SH3RF3: variants seen among roughly 807,000 people sequenced by gnomAD.
The protein encoded by SH3RF3 is SH3 domain containing ring finger 3.
SH3RF3 carries 29 observed loss-of-function variants against 66.3 expected under a neutral mutation model. That is an observed-to-expected ratio of 0.44 (90% CI 0.33 to 0.60). The LOEUF (loss-of-function observed/expected upper bound fraction) is 0.60, where lower values mean the gene tolerates loss of function less well. Ranked by LOEUF, SH3RF3 falls within the 20% of genes least tolerant of loss-of-function variation. The pLI, the probability that SH3RF3 is intolerant of heterozygous loss-of-function variation, is 0.04. For synonymous variants in SH3RF3, 583 were observed against 532.0 expected (o/e 1.10, Z -1.32); for missense variants, 1,194 against 1,190.9 (o/e 1.00, Z -0.04).
intron 2 of SH3RF3, among the ~76,000 whole-genome samples, chr2:109,357,248 C>A (rs55843992): frequency 0.28 from 42,327 of 151,572 alleles, 6,858 homozygotes; most frequent in Non-Finnish European, 0.37. Flanking sequence ...GTGGCACGAT[C>A]TCGGCTTGCT....
rs1283891290 is a variant in SH3RF3 at position 109,238,480 on chromosome 2, TGTGTGTGTGTGTGTGTGTGA to T, written c.573+108369_573+108388del. Among the ~76,000 whole-genome samples the T allele has an allele frequency of 7.3e-4, 98 of 134,518 alleles. 1 individual carries two copies. The highest frequency in any genetic ancestry group is 3.1e-3 in the African/African-American group (94 of 29,886). 88.2% of individuals were successfully genotyped at this position (134,518 alleles called of 152,430 possible). On this transcript the variant is annotated intron_variant, in intron 1 of 9. Coordinates refer to ENST00000309415, the MANE Select transcript of SH3RF3 (RefSeq NM_001099289.3). ...GTGTGTGTGTGTGTGTGTGTGTGTGTGTGTGTGTGTGTGTGTGTGAGAGTGAGACAGAGCCTCACCTTGTT... is the reference window on the plus strand; with the variant it reads ...GTGTGTGTGTGTGTGTGTGTGTGTGTGAGTGAGACAGAGCCTCACCTTGTT...
At chr2:109,356,788 C>T (rs183181087) in intron 2 of SH3RF3, among the ~76,000 whole-genome samples, 1 of 152,148 alleles carries the variant, frequency 6.6e-6, no homozygotes, top group African/African-American at 2.4e-5. Flanking sequence ...GGTGCAAATC[C>T]CACCCTCCTG....
chr2:109,154,527 T>C (rs1230968541), intron 1 of SH3RF3, among the ~76,000 whole-genome samples: 1 of 152,102 alleles, frequency 6.6e-6, no homozygotes, highest in Non-Finnish European at 1.5e-5. Flanking sequence ...TCTTCACTGG[T>C]GAAGAAACCA....
intron 1 of SH3RF3, among the ~76,000 whole-genome samples, chr2:109,263,837 G>A (rs549414946): frequency 2.6e-4 from 40 of 152,298 alleles, no homozygotes; most frequent in African/African-American, 9.1e-4. Context: ...GCATGGTGGC[G>A]GGAGCCTGTA....
chr2:109,183,746 C>T (rs1484393328), intron 1 of SH3RF3, among the ~76,000 whole-genome samples: 1 of 152,210 alleles, frequency 6.6e-6, no homozygotes, highest in African/African-American at 2.4e-5. Context: ...ATCCTCCCAG[C>T]AGCTCGGTCA....
At chr2:109,210,392 G>A (rs1252573705) in intron 1 of SH3RF3, among the ~76,000 whole-genome samples, 2 of 152,206 alleles carry the variant, frequency 1.3e-5, no homozygotes, top group African/African-American at 4.8e-5. Flanking sequence ...GGTCTTTTCC[G>A]TGCTCCCTCG....
At chr2:109,265,553 G>C (rs1479159980) in intron 1 of SH3RF3, among the ~76,000 whole-genome samples, 2 of 152,202 alleles carry the variant, frequency 1.3e-5, no homozygotes, top group African/African-American at 2.4e-5. Flanking sequence ...TGCAAGCCCA[G>C]GTCTCCTTCA....
intron 2 of SH3RF3, among the ~76,000 whole-genome samples, chr2:109,363,863 T>C (rs1683102046): frequency 6.6e-6 from 1 of 152,212 alleles, no homozygotes; most frequent in Non-Finnish European, 1.5e-5. Context: ...ATGTGTTTTT[T>C]CCCCTCTGAC....
At chr2:109,228,686 T>A (rs1285387158) in intron 1 of SH3RF3, among the ~76,000 whole-genome samples, 1 of 152,226 alleles carries the variant, frequency 6.6e-6, no homozygotes, top group Admixed American at 6.5e-5. Context: ...GAGGGCATGA[T>A]AAAAGATACA....
In SH3RF3 at chr2:109,285,389, C is replaced by T. The variant is rs148254004; in HGVS notation, c.574-62285C>T. On this transcript the variant is annotated intron_variant, in intron 1 of 9. Transcript: ENST00000309415. Reference sequence around the variant, plus strand: ...GCCTTTCCACGGCCAACGCACAAAACTTTTGTCTTAATTAGACTTGAGGCA... The same window carrying T: ...GCCTTTCCACGGCCAACGCACAAAATTTTTGTCTTAATTAGACTTGAGGCA... Among the ~76,000 whole-genome samples the T allele has an allele frequency of 8.5e-4, 130 of 152,336 alleles. 1 individual carries two copies. The highest frequency in any genetic ancestry group is 3.4e-3 in the Middle Eastern group (1 of 294).
intron 1 of SH3RF3, among the ~76,000 whole-genome samples, chr2:109,332,148 G>A (rs372846957): frequency 6.6e-6 from 1 of 152,160 alleles, no homozygotes; most frequent in South Asian, 2.1e-4. Context: ...CCAGAGAGGC[G>A]CTTTACCCAT....
chr2:109,434,441 C>T (rs116791084), intron 6 of SH3RF3, among the ~76,000 whole-genome samples: 2 of 152,336 alleles, frequency 1.3e-5, no homozygotes, highest in Non-Finnish European at 2.9e-5. Flanking sequence ...CGGTTGAAAT[C>T]CAGCTTCCTT....
At chr2:109,200,432 T>A (rs1678642262) in intron 1 of SH3RF3, among the ~76,000 whole-genome samples, 1 of 152,186 alleles carries the variant, frequency 6.6e-6, no homozygotes, top group African/African-American at 2.4e-5. Context: ...GGCTTCTGTG[T>A]CCTGTGTGGT....
intron 4 of SH3RF3, among the ~76,000 whole-genome samples, chr2:109,408,055 G>A (rs1319642893): frequency 6.6e-6 from 1 of 152,150 alleles, no homozygotes; most frequent in Admixed American, 6.5e-5. Context: ...TTGGCATTTG[G>A]AGAGCATCCG....
At chr2:109,381,730 T>G (rs1675678276) in intron 3 of SH3RF3, among the ~76,000 whole-genome samples, 1 of 152,050 alleles carries the variant, frequency 6.6e-6, no homozygotes, top group Non-Finnish European at 1.5e-5. Context: ...AAGCCAGGAA[T>G]AGATAGTCTC....
chr2:109,428,292 T>C (rs752248399), intron 5 of SH3RF3, among the ~76,000 whole-genome samples: 23 of 152,380 alleles, frequency 1.5e-4, no homozygotes, highest in Non-Finnish European at 5.9e-5. Flanking sequence ...TAAAATACTT[T>C]GGTTTACTCT....
In SH3RF3 at chr2:109,501,500, C is replaced by T. The variant is rs1452557436; in HGVS notation, c.2481-3C>T. ...GGGCTCACCCACTGTGCTGTTTCCCCAGGTACCGCGTGGTGGTCTCGTACC... is the reference window on the plus strand; with the variant it reads ...GGGCTCACCCACTGTGCTGTTTCCCTAGGTACCGCGTGGTGGTCTCGTACC... On this transcript the variant is annotated splice_polypyrimidine_tract_variant and splice_region_variant and intron_variant, in intron 9 of 9. Transcript: ENST00000309415. 4 of 776,370 alleles carry T rather than the reference C, an allele frequency of 5.2e-6. No homozygotes were observed. Among genetic ancestry groups the T allele is most frequent in the Non-Finnish European group, 9.6e-6 (4 of 416,250 alleles). The allele number at this position is 776,370 out of a possible 1,614,324, so 48.1% of individuals were successfully genotyped here. A position where few individuals can be genotyped will look rare whatever the true frequency, so the allele number is the denominator to read the frequency against.
chr2:109,481,312 G>A (rs1452303787), intron 8 of SH3RF3, among the ~76,000 whole-genome samples: 1 of 152,224 alleles, frequency 6.6e-6, no homozygotes, highest in Non-Finnish European at 1.5e-5. Flanking sequence ...GCTGGAGGGT[G>A]CACCTGTGCC....
At chr2:109,257,401 AG>A (rs1680246974) in intron 1 of SH3RF3, among the ~76,000 whole-genome samples, 1 of 149,048 alleles carries the variant, frequency 6.7e-6, no homozygotes, top group South Asian at 2.1e-4. Flanking sequence ...AAGGAGGGAG[AG>A]GAAGGGAAGG....
Sources: allele counts gnomAD v4.1 joint callset (sites outside exome capture counted in the v4.1 genomes callset), GRCh38; gene constraint gnomAD v4.1.1; transcripts MANE v1.5; gene names NCBI Gene and HGNC (gene_info 2026-07-23, HGNC 2026-07-21).